SLC35F3: variants seen among roughly 807,000 people sequenced by gnomAD.
SLC35F3 encodes solute carrier family 35 member F3.
In SLC35F3, 25 loss-of-function variants were observed where a neutral mutation model predicts 49.9. The ratio of observed to expected loss-of-function variants is 0.50; its 90% CI spans 0.37 to 0.70. SLC35F3 has a LOEUF of 0.70. Ranked by LOEUF, SLC35F3 falls within the 30% of genes least tolerant of loss-of-function variation. SLC35F3 has a pLI of 0.00. For missense variants in SLC35F3, 525 were observed against 639.8 expected (o/e 0.82, Z 1.94); for synonymous variants, 275 against 265.4 (o/e 1.04, Z -0.35).
At chr1:234,090,088 G>T (rs1391797086) in intron 2 of SLC35F3, among the ~76,000 whole-genome samples, 1 of 152,256 alleles carries the variant, frequency 6.6e-6, no homozygotes, top group Non-Finnish European at 1.5e-5. Flanking sequence ...GCTCTTTGGT[G>T]TGACAATTTG....
intron 2 of SLC35F3, among the ~76,000 whole-genome samples, chr1:233,968,152 A>G (rs1401129883): frequency 1.3e-5 from 2 of 152,114 alleles, no homozygotes; most frequent in East Asian, 3.9e-4. Context: ...CCAGCAGTCA[A>G]TGGCATTTCT....
chr1:234,189,460 G>A (rs1311495211), intron 2 of SLC35F3, among the ~76,000 whole-genome samples: 2 of 145,632 alleles, frequency 1.4e-5, no homozygotes, highest in Non-Finnish European at 3.0e-5. Context: ...ACAAGCAGAA[G>A]AACGAACTTC....
chr1:234,204,338 A>G lies in SLC35F3; in HGVS notation c.284-27079A>G, dbSNP rs1005388743. Among the ~76,000 whole-genome samples, 3 of 52,470 alleles carry G rather than the reference A, an allele frequency of 5.7e-5. No homozygotes were observed. In the African/African-American group the frequency reaches 7.2e-4, roughly 13 times the overall value. 34.4% of individuals were successfully genotyped at this position (52,470 alleles called of 152,430 possible). On this transcript the variant is annotated intron_variant, in intron 2 of 7. Transcript: ENST00000366618. ...AATTTCTAAAGATAATCATCTTAAA[A>G]GCAAAACAGATTGACAAAAACCCAA...
rs1657687955 is a variant in SLC35F3, at chr1:234,323,717, T to G, written c.*474T>G. 1 of 158,854 alleles carries G rather than the reference T, an allele frequency of 6.3e-6. No homozygotes were observed. The highest frequency in any genetic ancestry group is 2.4e-5 in the African/African-American group (1 of 41,404). 9.8% of individuals were successfully genotyped at this position (158,854 alleles called of 1,614,324 possible). On this transcript the variant is annotated 3_prime_UTR_variant, in exon 8 of 8. Coordinates refer to ENST00000366618, the MANE Select transcript of SLC35F3 (RefSeq NM_173508.4). The surrounding 1 kb of genome is among the most constrained non-coding windows in gnomAD (Gnocchi z 4.5). ...ACCAAAAGATAACTGTCAATTTATT[T>G]GGATGGATGGATGGAGGGATGGAAG...
intron 3 of SLC35F3, among the ~76,000 whole-genome samples, chr1:234,286,012 CTT>C (rs1446748917): frequency 1.3e-5 from 2 of 152,144 alleles, no homozygotes; most frequent in African/African-American, 4.8e-5. Flanking sequence ...TTATCAATGA[CTT>C]TGGTAAAATC....
chr1:234,122,463 A>T (rs536752103), intron 2 of SLC35F3, among the ~76,000 whole-genome samples: 31 of 152,256 alleles, frequency 2.0e-4, no homozygotes, highest in African/African-American at 4.3e-4. Flanking sequence ...CATTTTTTTA[A>T]AATTTTACTT....
intron 3 of SLC35F3, among the ~76,000 whole-genome samples, chr1:234,277,280 G>A (rs892003266): frequency 1.3e-5 from 2 of 152,220 alleles, no homozygotes; most frequent in Non-Finnish European, 2.9e-5. Flanking sequence ...AGGCCAGCAG[G>A]CAGTGAAATG....
intron 2 of SLC35F3, among the ~76,000 whole-genome samples, chr1:234,220,084 CAG>C (rs565017415): frequency 1.2e-3 from 188 of 152,248 alleles, no homozygotes; most frequent in African/African-American, 2.0e-3. Context: ...AGGATTGAAA[CAG>C]GGGGAGCCAG....
At chr1:234,138,786 A>G (rs1665846168) in intron 2 of SLC35F3, among the ~76,000 whole-genome samples, 1 of 152,212 alleles carries the variant, frequency 6.6e-6, no homozygotes, top group Non-Finnish European at 1.5e-5. Flanking sequence ...CCTGGCATCA[A>G]GTGATTCTTC....
intron 3 of SLC35F3, among the ~76,000 whole-genome samples, chr1:234,296,264 T>A (rs2102988141): frequency 6.6e-6 from 1 of 151,994 alleles, no homozygotes; most frequent in East Asian, 1.9e-4. Flanking sequence ...CCTACGTCCA[T>A]CGCAAAAAAA....
intron 2 of SLC35F3, among the ~76,000 whole-genome samples, chr1:234,012,379 AC>A (rs1179974093): frequency 6.6e-6 from 1 of 152,202 alleles, no homozygotes; most frequent in Non-Finnish European, 1.5e-5. Context: ...CCACCTCAGC[AC>A]AGACCCTGTA....
At position 234,027,404 on chromosome 1, in the gene SLC35F3, C is replaced by T. The variant is rs1480394254; in HGVS notation, c.283+121646C>T. ...GAAACTGAAGCCTGGCAGTGGCCACCACCCGCAGCTGAGGAAAACTGCCTG... is the reference window on the plus strand; with the variant it reads ...GAAACTGAAGCCTGGCAGTGGCCACTACCCGCAGCTGAGGAAAACTGCCTG... On this transcript the variant is annotated intron_variant, in intron 2 of 7. Transcript: ENST00000366618. This position sits in a 1 kb window ranked among gnomAD's most constrained non-coding sequence, Gnocchi z 4.1. Among the ~76,000 whole-genome samples the T allele has an allele frequency of 3.3e-5, 5 of 152,238 alleles. No individual in the cohort carries two copies. The highest frequency in any genetic ancestry group is 3.3e-4 in the Admixed American group (5 of 15,288).
At position 234,196,965 on chromosome 1, in the gene SLC35F3, A is replaced by G. The variant is rs537169126; in HGVS notation, c.284-34452A>G. Among the ~76,000 whole-genome samples, 34 of 152,318 alleles carry G rather than the reference A, an allele frequency of 2.2e-4. 1 individual carries two copies. Among genetic ancestry groups the G allele is most frequent in the Non-Finnish European group, 3.8e-4 (26 of 68,030 alleles). ...TTGGGAAAAAAAAAGAAAGACAAAG[A>G]TAAACATAGCTGGACATTAGTTAAG... On this transcript the variant is annotated intron_variant, in intron 2 of 7. Coordinates refer to ENST00000366618, the MANE Select transcript of SLC35F3 (RefSeq NM_173508.4).
chr1:234,165,288 G>A (rs1229816665), intron 2 of SLC35F3, among the ~76,000 whole-genome samples: 2 of 152,122 alleles, frequency 1.3e-5, no homozygotes, highest in Middle Eastern at 6.8e-3. Context: ...TATTTAACAT[G>A]TCTGTTTCAT....
intron 2 of SLC35F3, among the ~76,000 whole-genome samples, chr1:234,084,796 G>T (rs1282849503): frequency 6.7e-6 from 1 of 149,428 alleles, no homozygotes; most frequent in Non-Finnish European, 1.5e-5. Flanking sequence ...GGATCTGGTT[G>T]TTCCTGACAC....
At chr1:234,146,329 G>A (rs1177510439) in intron 2 of SLC35F3, among the ~76,000 whole-genome samples, 1 of 151,838 alleles carries the variant, frequency 6.6e-6, no homozygotes, top group Non-Finnish European at 1.5e-5. Flanking sequence ...ATTTTAGCAT[G>A]TTCTGACATC....
intron 4 of SLC35F3, among the ~76,000 whole-genome samples, chr1:234,311,486 C>T (rs1657352789): frequency 6.6e-6 from 1 of 152,200 alleles, no homozygotes; most frequent in African/African-American, 2.4e-5. Flanking sequence ...ACATAAAAAT[C>T]CATGTTGAAG....
chr1:234,322,961 G>T, intron 7 of SLC35F3, 47 bp from the exon 8 acceptor site: 2 of 1,557,348 alleles, frequency 1.3e-6, no homozygotes, highest in Non-Finnish European at 1.8e-6. Flanking sequence ...CCAGGGACAT[G>T]CCCCCAACCC....
intron 2 of SLC35F3, among the ~76,000 whole-genome samples, chr1:234,118,813 G>C (rs1442515740): frequency 6.6e-6 from 1 of 151,920 alleles, no homozygotes; most frequent in Non-Finnish European, 1.5e-5. Flanking sequence ...ATTCAAAAAG[G>C]TCCATTTAAT....
Sources: gnomAD v4.1 joint callset for allele counts (sites outside exome capture counted in the v4.1 genomes callset) on GRCh38, gnomAD v4.1.1 for gene constraint, Gnocchi (gnomAD v3.1) non-coding constraint, MANE v1.5 for transcripts, NCBI Gene and HGNC (gene_info 2026-07-23, HGNC 2026-07-21) for gene names.